Variants in EYS observed in about 807,000 individuals in gnomAD.
The protein encoded by EYS is protein eyes shut homolog.
A neutral mutation model predicts 282.1 loss-of-function variants in EYS; 250 were observed. That is an observed-to-expected ratio of 0.89 (90% CI 0.80 to 0.98). The LOEUF is 0.98. Ranked by LOEUF, EYS falls within the 50% of genes least tolerant of loss-of-function variation. The probability of loss-of-function intolerance (pLI) is 0.00; values close to 1 mark genes in which losing one functional copy is unlikely to be tolerated. For synonymous variants in EYS, 1,355 were observed against 1,282.9 expected (o/e 1.06, Z -1.20); for missense variants, 4,016 against 3,709.0 (o/e 1.08, Z -2.15).
chr6:64,265,155 G>A (rs993321211), intron 30 of EYS, among the ~76,000 whole-genome samples: 4 of 151,906 alleles, frequency 2.6e-5, no homozygotes, highest in South Asian at 2.1e-4. Flanking sequence ...TATTACCTCC[G>A]AAAATGTAAA....
chr6:65,319,204 C>CA (rs55687610), intron 11 of EYS, among the ~76,000 whole-genome samples: 7,581 of 44,282 alleles, frequency 0.17, 923 homozygotes, highest in African/African-American at 0.32. Context: ...ACTAAAAATG[C>CA]AAAAAAAAAA....
At chr6:64,402,490 T>A (rs780796736) in intron 28 of EYS, among the ~76,000 whole-genome samples, 5 of 152,176 alleles carry the variant, frequency 3.3e-5, no homozygotes, top group Non-Finnish European at 5.9e-5. Context: ...GGTAGTGACC[T>A]TTTCATTTGC....
chr6:65,217,190 C>A (rs1033654322), intron 12 of EYS, among the ~76,000 whole-genome samples: 4 of 152,032 alleles, frequency 2.6e-5, no homozygotes, highest in Non-Finnish European at 5.9e-5. Flanking sequence ...GTAAATGAAT[C>A]TTGGAGGATT....
intron 36 of EYS, among the ~76,000 whole-genome samples, chr6:63,835,841 T>G (rs554784322): frequency 4.9e-4 from 74 of 152,226 alleles, no homozygotes; most frequent in African/African-American, 1.8e-3. Flanking sequence ...AAAAAAGTGA[T>G]AAATTTGGCT....
In EYS at chr6:64,707,486, A is replaced by G. The variant is rs189817326; in HGVS notation, c.3444-81241T>C. On this transcript the variant is annotated intron_variant, in intron 22 of 42. Coordinates refer to ENST00000503581, the MANE Select transcript of EYS (RefSeq NM_001142800.2). ...AGATCAAGACCATCCTGGCTAACAC[A>G]GTGAAACCCTGTCTCTACTAAGAAT... Among the ~76,000 whole-genome samples, 741 of 151,964 alleles carry G rather than the reference A, an allele frequency of 4.9e-3. 6 individuals carry two copies. The highest frequency in any genetic ancestry group is 0.017 in the South Asian group (84 of 4,814).
intron 22 of EYS, among the ~76,000 whole-genome samples, chr6:64,750,048 G>T (rs1772692003): frequency 6.6e-6 from 1 of 151,908 alleles, no homozygotes; most frequent in South Asian, 2.1e-4. Flanking sequence ...TTTGACTACA[G>T]AATATAAGCA....
intron 26 of EYS, among the ~76,000 whole-genome samples, chr6:64,439,913 AT>A (rs1188012522): frequency 6.6e-6 from 1 of 151,858 alleles, no homozygotes; most frequent in Non-Finnish European, 1.5e-5. Context: ...AATTTCTTAA[AT>A]TTGTAAATAT....
intron 22 of EYS, among the ~76,000 whole-genome samples, chr6:64,655,881 G>T (rs546977297): frequency 6.6e-6 from 1 of 152,118 alleles, no homozygotes; most frequent in Non-Finnish European, 1.5e-5. Context: ...AATGATCATA[G>T]CATTGTTTCT....
chr6:65,283,056 G>T (rs1256291898), intron 12 of EYS, among the ~76,000 whole-genome samples: 1 of 151,612 alleles, frequency 6.6e-6, no homozygotes, highest in Admixed American at 6.6e-5. Context: ...CTATCATCTT[G>T]CAAAATGCAT....
At chr6:65,012,351 T>A (rs1771900646) in intron 13 of EYS, among the ~76,000 whole-genome samples, 1 of 152,164 alleles carries the variant, frequency 6.6e-6, no homozygotes, top group Admixed American at 6.5e-5. Flanking sequence ...AGTAAAAATA[T>A]TTACATGTTA....
chr6:65,055,318 A>G (rs1161848020), intron 13 of EYS, among the ~76,000 whole-genome samples: 6 of 152,090 alleles, frequency 3.9e-5, no homozygotes, highest in Non-Finnish European at 5.9e-5. Context: ...ATTATTTGCA[A>G]TTGTTTATTT....
At chr6:64,958,086 T>C (rs932467598) in intron 14 of EYS, among the ~76,000 whole-genome samples, 1 of 152,094 alleles carries the variant, frequency 6.6e-6, no homozygotes, top group Non-Finnish European at 1.5e-5. Context: ...AGCATTTTTA[T>C]GTAATTCTGT....
At chr6:65,209,912 G>A (rs878979731) in intron 12 of EYS, among the ~76,000 whole-genome samples, 1 of 151,988 alleles carries the variant, frequency 6.6e-6, no homozygotes. Flanking sequence ...TTGACTTTAA[G>A]AGAGTAAGAA....
At chr6:64,358,674 G>GC (rs1771911399) in intron 29 of EYS, among the ~76,000 whole-genome samples, 1 of 151,606 alleles carries the variant, frequency 6.6e-6, no homozygotes, top group Non-Finnish European at 1.5e-5. Flanking sequence ...ATGGCGTATG[G>GC]CAAATATACA....
At chr6:65,448,738 C>T (rs10944803) in intron 5 of EYS, among the ~76,000 whole-genome samples, 28,182 of 151,766 alleles carry the variant, frequency 0.19, 3,270 homozygotes, top group Middle Eastern at 0.3. Flanking sequence ...TTTTTTCTAT[C>T]TTTTTAACAA....
At chr6:65,216,045 A>ACAAT (rs33998224) in intron 12 of EYS, among the ~76,000 whole-genome samples, 57,498 of 151,692 alleles carry the variant, frequency 0.38, 11,752 homozygotes, top group African/African-American at 0.54. Flanking sequence ...GTAAGTCTTC[A>ACAAT]CAGTGTTCTT....
chr6:65,218,156 G>A (rs1339581040), intron 12 of EYS, among the ~76,000 whole-genome samples: 2 of 151,988 alleles, frequency 1.3e-5, no homozygotes, highest in African/African-American at 4.8e-5. Context: ...TTAGTAATTA[G>A]GTAAATTGAA....
At position 65,072,959 on chromosome 6, in the gene EYS, T is replaced by TTATATATATATATATATATATATATATA. The variant is rs1773943245; in HGVS notation, c.2024-15233_2024-15232insTATATATATATATATATATATATATATA. Among the ~76,000 whole-genome samples, 12 of 151,396 alleles carry TTATATATATATATATATATATATATATA rather than the reference T, an allele frequency of 7.9e-5. No homozygotes were observed. The South Asian group carries it at 2.3e-3, about 29-fold the overall frequency. On this transcript the variant is annotated intron_variant, in intron 12 of 42. Transcript: ENST00000503581. ...GCAAAAGAAAGAAAATGAACAAACA[T>TTATATATATATATATATATATATATATA]TATATAATTAATGTTTTTTATGAAC...
intron 22 of EYS, among the ~76,000 whole-genome samples, chr6:64,692,238 C>G (rs141035957): frequency 6.6e-6 from 1 of 152,124 alleles, no homozygotes; most frequent in Non-Finnish European, 1.5e-5. Context: ...TTGCATTTCT[C>G]TGATGTTTAG....
Sources: gnomAD v4.1 joint callset for allele counts (sites outside exome capture counted in the v4.1 genomes callset) on GRCh38, gnomAD v4.1.1 for gene constraint, MANE v1.5 for transcripts, NCBI Gene and HGNC (gene_info 2026-07-23, HGNC 2026-07-21) for gene names.